Variants in RELN observed in about 807,000 individuals in gnomAD.
RELN encodes reelin.
Under a neutral mutation model 427.6 loss-of-function variants are expected in RELN, and 108 were observed. That is an observed-to-expected ratio of 0.25 (90% CI 0.22 to 0.30). The LOEUF (loss-of-function observed/expected upper bound fraction) is 0.30. Among genes scored for constraint, RELN ranks in the 10% least tolerant of loss-of-function variants. The probability of loss-of-function intolerance (pLI) is 1.00; values close to 1 mark genes in which losing one functional copy is unlikely to be tolerated. For missense variants in RELN, 3,715 were observed against 4,302.8 expected, an observed-to-expected ratio of 0.86 and a Z score of 3.82; for synonymous variants, 1,524 against 1,513.4, an observed-to-expected ratio of 1.01 and a Z score of -0.16.
At chr7:103,760,072 T>C (rs1791260828) in intron 4 of RELN, among the ~76,000 whole-genome samples, 1 of 145,076 alleles carries the variant, frequency 6.9e-6, no homozygotes, top group South Asian at 2.2e-4. Flanking sequence ...TAATATTCAC[T>C]GAATGCCTGT....
chr7:103,768,201 C>T (rs1791471760), intron 4 of RELN, among the ~76,000 whole-genome samples: 1 of 151,996 alleles, frequency 6.6e-6, no homozygotes, highest in Non-Finnish European at 1.5e-5. Flanking sequence ...GTGAATGAAC[C>T]TAAGCATCTT....
At chr7:103,654,964 C>T (rs1832995356) in intron 12 of RELN, among the ~76,000 whole-genome samples, 2 of 152,054 alleles carry the variant, frequency 1.3e-5, no homozygotes, top group Middle Eastern at 3.4e-3. Flanking sequence ...TGCATTCCAT[C>T]AATAATTCTT....
intron 8 of RELN, among the ~76,000 whole-genome samples, chr7:103,707,201 T>C (rs554978790): frequency 2.0e-4 from 31 of 152,218 alleles, no homozygotes; most frequent in African/African-American, 7.5e-4. Context: ...AGATCATCTT[T>C]CACCCAGATC....
intron 19 of RELN, among the ~76,000 whole-genome samples, chr7:103,631,401 A>G (rs1020642475): frequency 7.2e-6 from 1 of 138,286 alleles, no homozygotes. Flanking sequence ...TCAAGTGATT[A>G]TCCTGCCTCA....
Position 103,574,414 on chromosome 7 carries a change from GC to G in RELN, c.4304-116del, listed in dbSNP as rs1347925599. The G allele has an allele frequency of 3.6e-5, 31 of 865,126 alleles. No homozygotes were observed. In the East Asian group the frequency reaches 8.1e-4, roughly 23 times the overall value. 53.6% of individuals were successfully genotyped at this position (865,126 alleles called of 1,614,324 possible). On this transcript the variant is annotated intron_variant, in intron 29 of 64. Transcript: ENST00000428762. ...ATAGGGATTAACATTAGGGAGAGAG[GC>G]CACATGAAAATTTGTATCTCACAAC... is the stretch of plus-strand genomic sequence containing the variant.
chr7:103,492,323 A>C (rs2117008338), intron 57 of RELN, among the ~76,000 whole-genome samples: 1 of 152,368 alleles, frequency 6.6e-6, no homozygotes, highest in South Asian at 2.1e-4. Context: ...AAGTAACATT[A>C]GTCAAATTTA....
intron 3 of RELN, among the ~76,000 whole-genome samples, chr7:103,812,550 T>C (rs1171846754): frequency 6.6e-6 from 1 of 152,174 alleles, no homozygotes; most frequent in African/African-American, 2.4e-5. Context: ...AAGGGAGATA[T>C]TTTGAGGAAA....
At position 103,569,769 on chromosome 7, in the gene RELN, T is replaced by A. The variant is rs920163241; in HGVS notation, c.4588+2415A>T. On this transcript the variant is annotated intron_variant, in intron 31 of 64. Coordinates refer to ENST00000428762, the MANE Select transcript of RELN (RefSeq NM_005045.4). The surrounding 1 kb of genome is among the most constrained non-coding windows in gnomAD (Gnocchi z 4.0). The stretch of plus-strand genomic sequence containing the variant: ...AGAAAGGCAAAGAGCAATATACATA[T>A]CTCATATCACTTGCTGAACCTCATT... Among the ~76,000 whole-genome samples the A allele has an allele frequency of 6.6e-6, 1 of 152,100 alleles. No homozygotes were observed. Among genetic ancestry groups the A allele is most frequent in the African/African-American group, 2.4e-5 (1 of 41,422 alleles).
At chr7:103,875,388 C>T (rs1422117782) in intron 2 of RELN, among the ~76,000 whole-genome samples, 2 of 151,934 alleles carry the variant, frequency 1.3e-5, no homozygotes, top group Non-Finnish European at 2.9e-5. Flanking sequence ...ATCTTCTGCA[C>T]AGCAAAAGAA....
chr7:103,879,321 T>A (rs1342328680), intron 2 of RELN, among the ~76,000 whole-genome samples: 1 of 152,204 alleles, frequency 6.6e-6, no homozygotes, highest in Non-Finnish European at 1.5e-5. Context: ...GCAACCTTAA[T>A]CATATTGCTA....
chr7:103,874,613 T>C (rs1394334573), intron 2 of RELN, among the ~76,000 whole-genome samples: 1 of 145,776 alleles, frequency 6.9e-6, no homozygotes, highest in Non-Finnish European at 1.5e-5. Flanking sequence ...CACAATTGCT[T>C]CAAAGAGAAT....
intron 3 of RELN, among the ~76,000 whole-genome samples, chr7:103,795,131 G>A (rs545290852): frequency 6.6e-6 from 1 of 152,142 alleles, no homozygotes; most frequent in Non-Finnish European, 1.5e-5. Context: ...ATTATCTATT[G>A]AAGTCAATTT....
chr7:103,677,608 G>T lies in RELN; in HGVS notation c.1289+4508C>A, dbSNP rs562213831. 2.7e-4 allele frequency among the ~76,000 whole-genome samples: 40 copies of T among 149,824 alleles called. No homozygotes were observed. The South Asian group carries it at 8.0e-3, about 30-fold the overall frequency. On this transcript the variant is annotated intron_variant, in intron 11 of 64. Transcript: ENST00000428762. ...TAGTGAAATCCCGTCTCTACCAAAA[G>T]TACAAAAATTAGCTGGGCGTGGCGG... is the stretch of plus-strand genomic sequence containing the variant.
In RELN at chr7:103,522,292, C is replaced by T; in HGVS notation, c.7491-93G>A. 9.5e-6 allele frequency: 12 copies of T among 1,256,996 alleles called. 1 individual carries two copies. The highest frequency in any genetic ancestry group is 1.4e-5 in the Non-Finnish European group (12 of 876,814). 77.9% of individuals were successfully genotyped at this position (1,256,996 alleles called of 1,614,324 possible). Reference sequence around the variant, plus strand: ...TAGTGAAGACTACTCTTTTCCTAGTCCAAGATGATGAAAAGTTACTGATTT... The same window carrying T: ...TAGTGAAGACTACTCTTTTCCTAGTTCAAGATGATGAAAAGTTACTGATTT... On this transcript the variant is annotated intron_variant, in intron 47 of 64. Coordinates refer to ENST00000428762, the MANE Select transcript of RELN (RefSeq NM_005045.4).
intron 1 of RELN, among the ~76,000 whole-genome samples, chr7:103,944,922 G>C (rs1028279693): frequency 1.3e-5 from 2 of 152,084 alleles, no homozygotes; most frequent in Non-Finnish European, 2.9e-5. Context: ...CAAAGACTTT[G>C]AAGGAAGAGT....
At chr7:103,494,782 GTCC>G (rs1201695666) in intron 57 of RELN, among the ~76,000 whole-genome samples, 2 of 152,032 alleles carry the variant, frequency 1.3e-5, no homozygotes, top group Non-Finnish European at 2.9e-5. Context: ...ATATTTGAGA[GTCC>G]TCCTTAATTT....
At chr7:103,607,656 C>G (rs1422151136) in intron 22 of RELN, among the ~76,000 whole-genome samples, 1 of 152,100 alleles carries the variant, frequency 6.6e-6, no homozygotes, top group African/African-American at 2.4e-5. Flanking sequence ...TTTTTCCTTC[C>G]CATATAACTT....
intron 60 of RELN, 53 bp downstream of exon 60, chr7:103,489,689 T>C: frequency 6.3e-7 from 1 of 1,592,670 alleles, no homozygotes. Flanking sequence ...TATGTTAAGA[T>C]GAGGAGAACC....
intron 16 of RELN, among the ~76,000 whole-genome samples, chr7:103,641,013 G>C (rs879771112): frequency 2.6e-5 from 4 of 151,896 alleles, no homozygotes; most frequent in Admixed American, 2.0e-4. Flanking sequence ...ATTTCTATCA[G>C]GGGAAAATCT....
Sources: gnomAD v4.1 joint callset for allele counts (sites outside exome capture counted in the v4.1 genomes callset) on GRCh38, gnomAD v4.1.1 for gene constraint, Gnocchi (gnomAD v3.1) non-coding constraint, MANE v1.5 for transcripts, NCBI Gene and HGNC (gene_info 2026-07-23, HGNC 2026-07-21) for gene names.